The following OPHN1 variants were observed in gnomAD, a reference collection of about 807,000 sequenced individuals.
The protein encoded by OPHN1 is oligophrenin-1.
In OPHN1, 11 loss-of-function variants were observed where a neutral mutation model predicts 60.7. The observed-to-expected ratio is 0.18, with a 90% CI of 0.11 to 0.30. The LOEUF is 0.30. OPHN1 is among the 10% of genes least tolerant of loss of function. The pLI is 1.00. For synonymous variants in OPHN1, 226 were observed against 222.6 expected (o/e 1.02, Z -0.14); for missense variants, 449 against 611.0 (o/e 0.73, Z 2.80).
chrX:68,410,351 T>C (rs2078763168), intron 2 of OPHN1, among the ~76,000 whole-genome samples: 1 of 110,652 alleles, frequency 9.0e-6, no homozygotes, highest in Admixed American at 9.8e-5. Flanking sequence ...ACTGCCTCCA[T>C]AGGGGAGGAA....
chrX:68,350,120 A>C (rs2078400103), intron 2 of OPHN1, among the ~76,000 whole-genome samples: 1 of 111,696 alleles, frequency 9.0e-6, no homozygotes, highest in Admixed American at 9.5e-5. Context: ...AACAATTCAA[A>C]TGTTCCTAGC....
chrX:68,321,576 G>A (rs1401285706), intron 2 of OPHN1, among the ~76,000 whole-genome samples: 4 of 111,622 alleles, frequency 3.6e-5, no homozygotes, highest in East Asian at 2.8e-4. Context: ...CCCAAATGTC[G>A]TATGTTCTCA....
At chrX:68,433,748 C>T (rs945352660), upstream of OPHN1, 3 of 296,182 alleles carry the variant, frequency 1.0e-5, no homozygotes, top group African/African-American at 2.7e-5. Flanking sequence ...GGCAATGAAA[C>T]GTAGCCTCGC....
chrX:68,240,451 C>G (rs781524416), intron 5 of OPHN1, among the ~76,000 whole-genome samples: 1 of 111,078 alleles, frequency 9.0e-6, no homozygotes, highest in African/African-American at 3.3e-5. Context: ...TAATATATAT[C>G]CGTCTACTCA....
intron 2 of OPHN1, among the ~76,000 whole-genome samples, chrX:68,389,568 AAAATAAATAAATAAAT>A (rs200288420): frequency 1.6e-4 from 12 of 76,860 alleles, no homozygotes; most frequent in East Asian, 8.6e-4. Context: ...CTCCCTCTCA[AAAATAAATAAATAAAT>A]AAATAAATAA....
intron 2 of OPHN1, among the ~76,000 whole-genome samples, chrX:68,393,264 C>T (rs767693058): frequency 2.7e-5 from 3 of 112,283 alleles, no homozygotes; most frequent in Admixed American, 9.4e-5. Context: ...CTTTAAAAAA[C>T]AAAACAAAAC....
In OPHN1 at chrX:68,045,485, T is replaced by C. The variant is rs1403998195; in HGVS notation, c.*1687A>G. On this transcript the variant is annotated 3_prime_UTR_variant, in exon 25 of 25. Transcript: ENST00000355520. ...TTTATCTAGGTTTATCTGTCAGTAC[T>C]ATAATCAGTGCACTAACAGGGCCTT... 8.9e-6 allele frequency: 1 copy of C among 112,092 alleles called. No homozygotes were observed. Among genetic ancestry groups the C allele is most frequent in the East Asian group, 2.8e-4 (1 of 3,539 alleles). 9.2% of individuals were successfully genotyped at this position (112,092 alleles called of 1,213,427 possible).
At chrX:68,246,179 A>T (rs1355121863) in intron 5 of OPHN1, among the ~76,000 whole-genome samples, 1 of 111,720 alleles carries the variant, frequency 9.0e-6, no homozygotes, top group African/African-American at 3.3e-5. Context: ...CTCCCTGCTA[A>T]AAAACCATCC....
At chrX:68,216,987 G>A (rs1203618194) in intron 6 of OPHN1, among the ~76,000 whole-genome samples, 2 of 111,982 alleles carry the variant, frequency 1.8e-5, no homozygotes, top group Admixed American at 9.4e-5. Context: ...CGCAGAAGAC[G>A]GGTGACTTCT....
chrX:68,182,698 G>T (rs2077443715), intron 15 of OPHN1, among the ~76,000 whole-genome samples: 1 of 111,723 alleles, frequency 9.0e-6, no homozygotes, highest in Non-Finnish European at 1.9e-5. Flanking sequence ...ATCACTTGAG[G>T]TTAGGAGTTC....
chrX:68,404,948 A>G (rs139951637), intron 2 of OPHN1, among the ~76,000 whole-genome samples: 1,838 of 111,575 alleles, frequency 0.016, 11 homozygotes, highest in Non-Finnish European at 0.026. Flanking sequence ...TAGTGGGTAT[A>G]GAGGTTCATT....
chrX:68,132,244 G>A (rs1223985316), intron 15 of OPHN1, among the ~76,000 whole-genome samples: 3 of 107,207 alleles, frequency 2.8e-5, no homozygotes, highest in Non-Finnish European at 5.8e-5. Context: ...AAAGACACAT[G>A]CACACGTATG....
At chrX:68,278,062 G>A (rs943491082) in intron 4 of OPHN1, among the ~76,000 whole-genome samples, 2 of 111,713 alleles carry the variant, frequency 1.8e-5, no homozygotes, top group Non-Finnish European at 3.8e-5. Context: ...CCCCAGTTCA[G>A]TCTGAAAAAT....
intron 15 of OPHN1, among the ~76,000 whole-genome samples, chrX:68,143,993 G>A: frequency 9.0e-6 from 1 of 111,095 alleles, no homozygotes; most frequent in East Asian, 2.8e-4. Context: ...GACTTGTTCA[G>A]GAAGAGCTAC....
intron 15 of OPHN1, among the ~76,000 whole-genome samples, chrX:68,182,187 A>AGTTT (rs1266324205): frequency 3.0e-5 from 1 of 32,982 alleles, no homozygotes; most frequent in Non-Finnish European, 5.5e-5. Context: ...GAAGCTCTGT[A>AGTTT]GTTTTTTTTT....
At chrX:68,153,210 C>CAA (rs11292214) in intron 15 of OPHN1, among the ~76,000 whole-genome samples, 11 of 55,414 alleles carry the variant, frequency 2.0e-4, no homozygotes, top group Admixed American at 6.0e-4. Context: ...GACTCCATGT[C>CAA]AAAAAAAAAA....
At chrX:68,298,563 C>T (rs987106212) in intron 3 of OPHN1, among the ~76,000 whole-genome samples, 2 of 111,383 alleles carry the variant, frequency 1.8e-5, no homozygotes, top group African/African-American at 6.5e-5. Flanking sequence ...TTGTTAAATC[C>T]AATTCCCAAG....
At chrX:68,362,212 GACATTTGCA>G (rs2078476575) in intron 2 of OPHN1, among the ~76,000 whole-genome samples, 1 of 111,917 alleles carries the variant, frequency 8.9e-6, no homozygotes. Context: ...TGGAAATCCT[GACATTTGCA>G]ACACAGGGAT....
chrX:68,293,961 A>C (rs1246899907), intron 3 of OPHN1, among the ~76,000 whole-genome samples: 1 of 111,027 alleles, frequency 9.0e-6, no homozygotes, highest in Admixed American at 9.6e-5. Flanking sequence ...TATACACACC[A>C]GTCTGAATTA....
Sources: allele counts gnomAD v4.1 joint callset (sites outside exome capture counted in the v4.1 genomes callset), GRCh38; gene constraint gnomAD v4.1.1; transcripts MANE v1.5; gene names NCBI Gene and HGNC (gene_info 2026-07-23, HGNC 2026-07-21).